The following AXIN2 variants were observed in gnomAD, a reference collection of about 807,000 sequenced individuals.
The protein encoded by AXIN2 is axin-2.
A neutral mutation model predicts 74.7 loss-of-function variants in AXIN2; 21 were observed. The ratio of observed to expected loss-of-function variants is 0.28; its 90% CI spans 0.20 to 0.40. The LOEUF is 0.40. Among genes scored for constraint, AXIN2 ranks in the 10% least tolerant of loss-of-function variants. The pLI, the probability that AXIN2 is intolerant of heterozygous loss-of-function variation, is 1.00. For missense variants in AXIN2, 1,144 were observed against 1,111.1 expected, an observed-to-expected ratio of 1.03 and a Z score of -0.42; for synonymous variants, 532 against 454.9, an observed-to-expected ratio of 1.17 and a Z score of -2.16.
intron 10 of AXIN2, 26 bp downstream of exon 10, chr17:65,533,886 G>A (rs1288331068): frequency 1.3e-6 from 2 of 1,582,390 alleles, no homozygotes; most frequent in Non-Finnish European, 8.6e-7. Context: ...CAAACTGAGA[G>A]CAGAAAAAAG....
chr17:65,530,453 G>A (rs1351559263), intron 10 of AXIN2, among the ~76,000 whole-genome samples: 7 of 152,188 alleles, frequency 4.6e-5, no homozygotes, highest in African/African-American at 1.7e-4. Context: ...GTGGGGGAGG[G>A]AAGGGAAGGA....
intron 3 of AXIN2, 118 bp from the exon 4 acceptor site, chr17:65,541,675 G>C (rs2044045935): frequency 3.5e-6 from 3 of 855,946 alleles, no homozygotes; most frequent in East Asian, 2.5e-5. Flanking sequence ...GCTTCCATAG[G>C]AGTGTCACAT....
chr17:65,534,157 A>G, intron 9 of AXIN2, 78 bp from the exon 10 acceptor site: 1 of 1,534,350 alleles, frequency 6.5e-7, no homozygotes, highest in Non-Finnish European at 9.0e-7. Context: ...ACGTGCGCAC[A>G]TGTGCATAAG....
chr17:65,538,394 G>A (rs2043983071), intron 4 of AXIN2, 51 bp from the exon 5 acceptor site: 1 of 1,610,126 alleles, frequency 6.2e-7, no homozygotes, highest in Non-Finnish European at 8.5e-7. Flanking sequence ...AGGCTAGGTG[G>A]GCGGTGGCTT....
Position 65,537,754 on chromosome 17 carries a change from A to C in AXIN2, c.1282T>G (p.Ser428Ala), listed in dbSNP as rs573134328. The change falls in exon 6 of 11, where the codon TCC becomes GCC. Residue 428 changes from serine (S) to alanine (A), a missense_variant. By Grantham distance (99) the Ser-to-Ala change is moderately conservative. Transcript: ENST00000307078. ...PTQHPLSLLP[S>A]GSYEEDPQTI... ...TGCGGGTCTTCCTCGTAGCTGCCGGAGGGCAGTAGGGAGAGGGGGTGCTGC... is the reference window on the plus strand; with the variant it reads ...TGCGGGTCTTCCTCGTAGCTGCCGGCGGGCAGTAGGGAGAGGGGGTGCTGC... 6.3e-7 allele frequency: 1 copy of C among 1,578,816 alleles called. No homozygotes were observed. Among genetic ancestry groups the C allele is most frequent in the African/African-American group, 1.3e-5 (1 of 74,252 alleles).
chr17:65,541,277 C>T (rs2044037989), intron 4 of AXIN2, among the ~76,000 whole-genome samples, 178 bp downstream of exon 4: 1 of 152,186 alleles, frequency 6.6e-6, no homozygotes, highest in South Asian at 2.1e-4. Context: ...ACCATCACAA[C>T]CCAAAAAACC....
At chr17:65,561,251 GCGCCCCGGGC>G (rs963599731) in intron 1 of AXIN2, 189 bp downstream of exon 1, 1 of 147,346 alleles carries the variant, frequency 6.8e-6, no homozygotes, top group Non-Finnish European at 1.5e-5. Context: ...CGCGCCGGCC[GCGCCCCGGGC>G]CGCCCCCCGC....
intron 3 of AXIN2, among the ~76,000 whole-genome samples, chr17:65,544,151 C>T (rs143013993): frequency 7.9e-5 from 12 of 152,146 alleles, no homozygotes; most frequent in East Asian, 7.7e-4. Context: ...AAGAGTCCCC[C>T]GTCCACCCCC....
chr17:65,553,589 T>C (rs750299593), intron 2 of AXIN2, among the ~76,000 whole-genome samples: 27 of 152,176 alleles, frequency 1.8e-4, no homozygotes, highest in Non-Finnish European at 3.4e-4. Context: ...AATAAACTTG[T>C]CTCCCTTCAC....
Position 65,537,796 on chromosome 17 carries a change from G to A in AXIN2, c.1240C>T (p.Arg414Trp), listed in dbSNP as rs751229839. ...REGSELTLNS[R>W]EGAPTQHPLS... ...GGGTGCTGCGTGGGCGCCCCCTCCC[G>A]CGAATTGAGTGTGAGCTCGGAGCCC... Residue 414 changes from arginine (R) to tryptophan (W), a missense_variant, in exon 6 of 11, where the codon CGG (arginine) becomes TGG (tryptophan). This residue lies in a region of AXIN2 where 1,053 missense variants were observed against 973.5 expected (regional missense o/e 1.08). Coordinates refer to ENST00000307078, the MANE Select transcript of AXIN2 (RefSeq NM_004655.4). The A allele has an allele frequency of 3.8e-6, 6 of 1,586,418 alleles. No homozygotes were observed. Among genetic ancestry groups the A allele is most frequent in the Non-Finnish European group, 5.1e-6 (6 of 1,166,912 alleles).
intron 5 of AXIN2, 49 bp from the exon 6 acceptor site, chr17:65,537,884 C>T (rs1456244214): frequency 2.7e-6 from 4 of 1,501,880 alleles, no homozygotes; most frequent in Admixed American, 4.5e-5. Flanking sequence ...AGCAGAAGGG[C>T]CAGAGGCCCT....
At chr17:65,530,347 T>C (rs2043796326) in intron 10 of AXIN2, among the ~76,000 whole-genome samples, 1 of 152,170 alleles carries the variant, frequency 6.6e-6, no homozygotes, top group South Asian at 2.1e-4. Context: ...GCCTGCCACC[T>C]GCAATCTTCA....
chr17:65,536,796 A>G lies in AXIN2; in HGVS notation c.1907+73T>C, dbSNP rs28760438. On this transcript the variant is annotated intron_variant, in intron 7 of 10. Transcript: ENST00000307078. ...TTTGTATTCCGCGGACTGCAAAAAC[A>G]GCCATTCCCACAATACCTCCGTACT... 996,755 of 1,591,850 alleles carry G rather than the reference A, an allele frequency of 0.63. 320,575 individuals are homozygous for G. Among genetic ancestry groups the G allele is most frequent in the Non-Finnish European group, 0.66 (769,466 of 1,163,660 alleles).
chr17:65,549,451 A>T, intron 3 of AXIN2, 69 bp downstream of exon 3: 1 of 1,599,230 alleles, frequency 6.3e-7, no homozygotes. Context: ...ATGACAGACG[A>T]TTCTGGCTAA....
rs758219268 is a variant in AXIN2, at chr17:65,537,761, T to C, written c.1275A>G (p.Leu425=). ...CTTCCTCGTAGCTGCCGGAGGGCAG[T>C]AGGGAGAGGGGGTGCTGCGTGGGCG... ...EGAPTQHPLS[L]LPSGSYEEDP... The change falls in exon 6 of 11, where the codon CTA becomes CTG. Residue 425 remains leucine, a synonymous_variant. Coordinates refer to ENST00000307078, the MANE Select transcript of AXIN2 (RefSeq NM_004655.4). 6.3e-7 allele frequency: 1 copy of C among 1,583,456 alleles called. No homozygotes were observed. The highest frequency in any genetic ancestry group is 1.1e-5 in the South Asian group (1 of 87,154).
rs774732142 is a variant in AXIN2, at chr17:65,534,082, G to A, written c.2238-3C>T. Reference sequence around the variant, plus strand: ...CCAGTTTCTTTGGCTCTTTGTGACTGAAAATAAGATGGAATGGAACAAGTT... The same window carrying A: ...CCAGTTTCTTTGGCTCTTTGTGACTAAAAATAAGATGGAATGGAACAAGTT... On this transcript the variant is annotated splice_polypyrimidine_tract_variant and splice_region_variant and intron_variant, in intron 9 of 10. Transcript: ENST00000307078. 6.2e-7 allele frequency: 1 copy of A among 1,614,166 alleles called. No homozygotes were observed. The highest frequency in any genetic ancestry group is 8.5e-7 in the Non-Finnish European group (1 of 1,180,040).
At position 65,528,572 on chromosome 17, in the gene AXIN2, A is replaced by C. The variant is rs1441404296; in HGVS notation, c.*1404T>G. On this transcript the variant is annotated 3_prime_UTR_variant, in exon 11 of 11. Transcript: ENST00000307078. ...AAAGACGAGGCCAGTGTTTTGAAAAATATAAAATTTTAATAAAGGCTACAT... is the reference window on the plus strand; with the variant it reads ...AAAGACGAGGCCAGTGTTTTGAAAACTATAAAATTTTAATAAAGGCTACAT... 4.3e-6 allele frequency: 2 copies of C among 464,288 alleles called. No individual in the cohort carries two copies. The highest frequency in any genetic ancestry group is 8.1e-6 in the Non-Finnish European group (2 of 247,532). 28.8% of individuals were successfully genotyped at this position (464,288 alleles called of 1,614,324 possible). A position where few individuals can be genotyped will look rare whatever the true frequency, so the allele number is the denominator to read the frequency against.
chr17:65,548,911 CT>C (rs753283397), intron 3 of AXIN2, among the ~76,000 whole-genome samples: 6 of 152,230 alleles, frequency 3.9e-5, no homozygotes, highest in Non-Finnish European at 5.9e-5. Flanking sequence ...AGAGCCCCTA[CT>C]TAGGGTCCTC....
chr17:65,538,751 GA>G (rs1281527045), intron 4 of AXIN2, among the ~76,000 whole-genome samples: 4 of 130,040 alleles, frequency 3.1e-5, no homozygotes, highest in Non-Finnish European at 6.3e-5. Context: ...TCAAGGAATA[GA>G]AAGTAGAATC....
Sources: gnomAD v4.1 joint callset for allele counts (sites outside exome capture counted in the v4.1 genomes callset) on GRCh38, gnomAD v4.1.1 for gene constraint, gnomAD v4.1.1 regional missense constraint, MANE v1.5 for transcripts, NCBI Gene and HGNC (gene_info 2026-07-23, HGNC 2026-07-21) for gene names.